UPP2: variants seen among roughly 807,000 people sequenced by gnomAD.
UPP2 encodes the protein uridine phosphorylase 2.
Under a neutral mutation model 26.7 loss-of-function variants are expected in UPP2, and 23 were observed. That is an observed-to-expected ratio of 0.86 (90% CI 0.62 to 1.22). The LOEUF (loss-of-function observed/expected upper bound fraction) is 1.22, where lower values mean the gene tolerates loss of function less well. Ranked by LOEUF, UPP2 falls within the 50% of genes most tolerant of loss-of-function variation. The pLI, the probability that UPP2 is intolerant of heterozygous loss-of-function variation, is 0.00. For synonymous variants in UPP2, 127 were observed against 141.3 expected (o/e 0.90, Z 0.72); for missense variants, 387 against 396.7 (o/e 0.98, Z 0.21).
upstream of UPP2, among the ~76,000 whole-genome samples, chr2:158,101,638 G>T (rs1683077381): frequency 6.6e-6 from 1 of 152,172 alleles, no homozygotes; most frequent in Non-Finnish European, 1.5e-5. Context: ...ACCAAAAGAG[G>T]ACTCGTATCC....
At chr2:158,047,122 T>C (rs191395317) in intron 3 of UPP2, among the ~76,000 whole-genome samples, 1 of 152,348 alleles carries the variant, frequency 6.6e-6, no homozygotes, top group East Asian at 1.9e-4. Flanking sequence ...GCTTATAATG[T>C]GTATCTCATG....
At chr2:158,061,096 A>C (rs1437257542) in intron 3 of UPP2, among the ~76,000 whole-genome samples, 1 of 152,226 alleles carries the variant, frequency 6.6e-6, no homozygotes, top group Admixed American at 6.5e-5. Context: ...ATCCATTGAC[A>C]TGTGATCAGG....
chr2:158,113,848 C>T (rs372527057), intron 2 of UPP2, among the ~76,000 whole-genome samples: 2 of 152,218 alleles, frequency 1.3e-5, no homozygotes, highest in East Asian at 3.8e-4. Flanking sequence ...AACCAGCTTC[C>T]TGTGTACTAA....
intron 3 of UPP2, among the ~76,000 whole-genome samples, chr2:158,062,753 C>T (rs535096945): frequency 3.9e-5 from 6 of 152,214 alleles, no homozygotes; most frequent in African/African-American, 9.6e-5. Flanking sequence ...GTTATTTTCC[C>T]GTCAGAGGAC....
chr2:158,134,690 G>A, intron 6 of UPP2, 58 bp from the exon 7 acceptor site: 4 of 1,508,100 alleles, frequency 2.7e-6, no homozygotes, highest in Non-Finnish European at 3.6e-6. Context: ...TTTGGCTAAT[G>A]CTTCTATAGA....
chr2:157,997,331 T>G (rs1019755048), intron 2 of UPP2, among the ~76,000 whole-genome samples: 3 of 152,214 alleles, frequency 2.0e-5, no homozygotes, highest in Non-Finnish European at 4.4e-5. Context: ...AAGTTTACCA[T>G]TTTATAATAT....
chr2:158,066,257 C>T (rs1284330118), intron 3 of UPP2, among the ~76,000 whole-genome samples: 1 of 152,174 alleles, frequency 6.6e-6, no homozygotes, highest in Non-Finnish European at 1.5e-5. Flanking sequence ...TACAGTCAAC[C>T]TATTTGGACA....
upstream of UPP2, among the ~76,000 whole-genome samples, chr2:158,098,348 G>A (rs1225800503): frequency 2.0e-5 from 3 of 152,074 alleles, no homozygotes; most frequent in South Asian, 2.1e-4. Context: ...TGCATCCTTC[G>A]AGGCAGCCTA....
chr2:158,086,651 C>T (rs1441472655), intron 3 of UPP2, among the ~76,000 whole-genome samples: 2 of 152,092 alleles, frequency 1.3e-5, no homozygotes, highest in African/African-American at 4.8e-5. Flanking sequence ...CTTCTTATCA[C>T]CACCTTTGCT....
At chr2:158,092,824 A>T (rs530753244) in intron 3 of UPP2, among the ~76,000 whole-genome samples, 1 of 152,320 alleles carries the variant, frequency 6.6e-6, no homozygotes, top group South Asian at 2.1e-4. Context: ...ATTAGCTTTG[A>T]ATTGTATTAA....
At chr2:158,106,623 A>T (rs1040441015) in intron 2 of UPP2, among the ~76,000 whole-genome samples, 7 of 152,170 alleles carry the variant, frequency 4.6e-5, no homozygotes, top group Non-Finnish European at 1.0e-4. Context: ...ATATAATATT[A>T]TTTCACTTCT....
At chr2:158,121,717 T>C in intron 5 of UPP2, 99 bp downstream of exon 5, 1 of 1,105,430 alleles carries the variant, frequency 9.0e-7, no homozygotes, top group Non-Finnish European at 1.3e-6. Context: ...CTTAAGAAAA[T>C]TAATATTTGT....
chr2:158,087,545 AC>A (rs1319633922), intron 3 of UPP2, among the ~76,000 whole-genome samples: 39 of 151,996 alleles, frequency 2.6e-4, no homozygotes, highest in Admixed American at 2.5e-3. Context: ...TTGCCTGAAT[AC>A]CTTTTTTTGT....
In UPP2 at chr2:158,024,847, A is replaced by C. The variant is rs557087482; in HGVS notation, c.147+8961A>C. 9.2e-5 allele frequency among the ~76,000 whole-genome samples: 14 copies of C among 152,220 alleles called. 1 individual carries two copies. The highest frequency in any genetic ancestry group is 3.1e-4 in the African/African-American group (13 of 41,476). ...GAAAAGTAGCAGGTGCAATCTGGTC[A>C]TAAAAAATAAAAAAAAATTATCATC... On this transcript the variant is annotated intron_variant, in intron 3 of 9. Coordinates refer to the UPP2 transcript ENST00000605860.
intron 3 of UPP2, among the ~76,000 whole-genome samples, chr2:158,072,513 G>C (rs538656295): frequency 4.6e-5 from 7 of 152,038 alleles, no homozygotes; most frequent in Non-Finnish European, 8.8e-5. Flanking sequence ...GGTTACAGTG[G>C]GCCTTAGGCA....
chr2:158,087,747 A>T (rs1682839530), intron 3 of UPP2, among the ~76,000 whole-genome samples: 2 of 152,054 alleles, frequency 1.3e-5, no homozygotes, highest in South Asian at 2.1e-4. Context: ...TCCTTCATTT[A>T]TGAAGTTTAG....
chr2:158,044,593 G>A (rs893910663), intron 3 of UPP2, among the ~76,000 whole-genome samples: 4 of 152,116 alleles, frequency 2.6e-5, no homozygotes, highest in Admixed American at 6.5e-5. Context: ...AGTGACACTC[G>A]TGTGCACAAT....
chr2:158,111,722 T>C (rs1683323736), intron 2 of UPP2, among the ~76,000 whole-genome samples: 1 of 152,180 alleles, frequency 6.6e-6, no homozygotes, highest in Admixed American at 6.5e-5. Context: ...ATCTGTTATA[T>C]TTTGACTATA....
At chr2:158,098,659 C>T (rs968746143), upstream of UPP2, among the ~76,000 whole-genome samples, 5 of 152,120 alleles carry the variant, frequency 3.3e-5, no homozygotes, top group African/African-American at 9.7e-5. Flanking sequence ...CCATTTTGTA[C>T]GTGTCACCTC....
Sources: gnomAD v4.1 joint callset for allele counts (sites outside exome capture counted in the v4.1 genomes callset) on GRCh38, gnomAD v4.1.1 for gene constraint, MANE v1.5 for transcripts, NCBI Gene and HGNC (gene_info 2026-07-23, HGNC 2026-07-21) for gene names.